PIP5K1B: variants seen among roughly 807,000 people sequenced by gnomAD.
PIP5K1B encodes the protein phosphatidylinositol-4-phosphate 5-kinase type 1 beta, also known as phosphatidylinositol 4-phosphate 5-kinase type-1 beta.
A neutral mutation model predicts 67.0 loss-of-function variants in PIP5K1B; 42 were observed. The observed-to-expected ratio is 0.63, with a 90% confidence interval of 0.49 to 0.81. The LOEUF (loss-of-function observed/expected upper bound fraction) is 0.81. PIP5K1B is among the 30% of genes least tolerant of loss of function. The pLI, the probability that PIP5K1B is intolerant of heterozygous loss-of-function variation, is 0.00. For synonymous variants in PIP5K1B, 214 were observed against 231.4 expected, an observed-to-expected ratio of 0.92 and a Z score of 0.68; for missense variants, 459 against 646.3, an observed-to-expected ratio of 0.71 and a Z score of 3.14.
intron 2 of PIP5K1B, among the ~76,000 whole-genome samples, chr9:68,749,580 C>A (rs1829515261): frequency 6.6e-6 from 1 of 152,178 alleles, no homozygotes; most frequent in African/African-American, 2.4e-5. Flanking sequence ...GGTAACATGA[C>A]CACCTGTAAC....
At chr9:68,920,803 T>TACACACACACAC (rs59573461) in intron 11 of PIP5K1B, among the ~76,000 whole-genome samples, 24 of 141,422 alleles carry the variant, frequency 1.7e-4, no homozygotes, top group East Asian at 6.1e-4. Flanking sequence ...TACACACACA[T>TACACACACACAC]ACACACACAC....
At chr9:68,729,475 A>T (rs547630855) in intron 1 of PIP5K1B, among the ~76,000 whole-genome samples, 1 of 152,278 alleles carries the variant, frequency 6.6e-6, no homozygotes, top group South Asian at 2.1e-4. Context: ...TAACATGTTC[A>T]ACTGTATTAA....
At chr9:68,716,122 G>C (rs945653224) in intron 1 of PIP5K1B, among the ~76,000 whole-genome samples, 5 of 152,194 alleles carry the variant, frequency 3.3e-5, no homozygotes, top group Admixed American at 6.5e-5. Context: ...AAGGAAAGCA[G>C]AGCAAGAGAT....
intron 8 of PIP5K1B, among the ~76,000 whole-genome samples, chr9:68,897,356 C>A: frequency 6.6e-6 from 1 of 152,264 alleles, no homozygotes; most frequent in Non-Finnish European, 1.5e-5. Flanking sequence ...AGGTGCACGA[C>A]CTTTATTTTT....
chr9:68,840,704 T>C (rs1821873415), intron 4 of PIP5K1B, among the ~76,000 whole-genome samples: 1 of 152,212 alleles, frequency 6.6e-6, no homozygotes, highest in African/African-American at 2.4e-5. Context: ...TTGCCTCTTC[T>C]TTTTTTAACT....
At chr9:68,827,488 A>C (rs1834048351) in intron 4 of PIP5K1B, among the ~76,000 whole-genome samples, 2 of 152,166 alleles carry the variant, frequency 1.3e-5, no homozygotes, top group African/African-American at 2.4e-5. Context: ...GTGGCTGATG[A>C]CTGCCATGCT....
At chr9:68,721,955 T>C (rs1827907937) in intron 1 of PIP5K1B, among the ~76,000 whole-genome samples, 1 of 152,216 alleles carries the variant, frequency 6.6e-6, no homozygotes, top group South Asian at 2.1e-4. Context: ...CATGATAGCA[T>C]GTACAGCCTA....
chr9:68,979,658 C>T (rs1178142178), intron 14 of PIP5K1B, among the ~76,000 whole-genome samples: 1 of 152,204 alleles, frequency 6.6e-6, no homozygotes, highest in African/African-American at 2.4e-5. Context: ...CTTCTGTCCT[C>T]ACAATGAATA....
intron 2 of PIP5K1B, among the ~76,000 whole-genome samples, chr9:68,810,758 C>T (rs1342385961): frequency 6.6e-6 from 1 of 152,172 alleles, no homozygotes; most frequent in Non-Finnish European, 1.5e-5. Flanking sequence ...CCTCTACCAC[C>T]TTTTCAATTA....
intron 1 of PIP5K1B, among the ~76,000 whole-genome samples, chr9:68,725,089 G>A (rs1292541925): frequency 6.6e-6 from 1 of 152,168 alleles, no homozygotes; most frequent in Non-Finnish European, 1.5e-5. Flanking sequence ...AAACTCTATA[G>A]AAGAAGAATA....
At chr9:68,859,690 T>TA (rs1294523813) in intron 4 of PIP5K1B, among the ~76,000 whole-genome samples, 2 of 152,166 alleles carry the variant, frequency 1.3e-5, no homozygotes, top group East Asian at 3.9e-4. Flanking sequence ...TCTGGCGGCT[T>TA]AGAGTTTTCA....
At chr9:68,987,681 A>G (rs913166862) in intron 14 of PIP5K1B, among the ~76,000 whole-genome samples, 1 of 152,228 alleles carries the variant, frequency 6.6e-6, no homozygotes, top group African/African-American at 2.4e-5. Flanking sequence ...AATAGGTTTT[A>G]TGGACTCATA....
At chr9:68,785,740 A>G (rs1006885242) in intron 2 of PIP5K1B, among the ~76,000 whole-genome samples, 4 of 152,172 alleles carry the variant, frequency 2.6e-5, no homozygotes, top group Non-Finnish European at 4.4e-5. Context: ...TTAGGAATAT[A>G]GACAGTGGAG....
intron 8 of PIP5K1B, among the ~76,000 whole-genome samples, chr9:68,909,587 A>G (rs911314628): frequency 5.9e-5 from 9 of 152,120 alleles, no homozygotes; most frequent in African/African-American, 2.2e-4. Flanking sequence ...TTTCATTTTG[A>G]AAGTATTTGT....
At chr9:68,913,327 G>C (rs1026219128) in intron 8 of PIP5K1B, among the ~76,000 whole-genome samples, 2 of 152,214 alleles carry the variant, frequency 1.3e-5, no homozygotes, top group African/African-American at 4.8e-5. Flanking sequence ...GCAACAGTAA[G>C]GTCAGGCAGA....
intron 13 of PIP5K1B, among the ~76,000 whole-genome samples, chr9:68,935,694 A>G (rs973837325): frequency 2.6e-5 from 4 of 152,244 alleles, no homozygotes. Flanking sequence ...ATGCACGAGT[A>G]CACATACACA....
At chr9:68,897,432 T>C (rs1420871876) in intron 8 of PIP5K1B, among the ~76,000 whole-genome samples, 3 of 152,300 alleles carry the variant, frequency 2.0e-5, no homozygotes, top group East Asian at 1.9e-4. Context: ...GTAGGGAACA[T>C]TGTAGCTTGC....
At chr9:68,845,314 T>G (rs1227682063) in intron 4 of PIP5K1B, among the ~76,000 whole-genome samples, 3 of 152,246 alleles carry the variant, frequency 2.0e-5, no homozygotes, top group African/African-American at 7.2e-5. Context: ...TGAATACTTC[T>G]CTTTTTCTAC....
chr9:69,006,111 G>T (rs1013944996), intron 15 of PIP5K1B, among the ~76,000 whole-genome samples: 75 of 152,142 alleles, frequency 4.9e-4, no homozygotes, highest in African/African-American at 1.8e-3. Flanking sequence ...GGCTGTTCTT[G>T]AACTCCTGGG....
Sources: gnomAD v4.1 joint callset for allele counts (sites outside exome capture counted in the v4.1 genomes callset) on GRCh38, gnomAD v4.1.1 for gene constraint, MANE v1.5 for transcripts, NCBI Gene and HGNC (gene_info 2026-07-23, HGNC 2026-07-21) for gene names.